Variants in TRAPPC6A observed in about 807,000 individuals in gnomAD.
The protein encoded by TRAPPC6A is TRAPP complex subunit 6A.
TRAPPC6A carries 25 observed loss-of-function variants against 20.8 expected under a neutral mutation model. The observed-to-expected ratio is 1.20, with a 90% CI of 0.88 to 1.68. The LOEUF is 1.68. TRAPPC6A is among the 40% of genes most tolerant of loss of function. The pLI is 0.00. For missense variants in TRAPPC6A, 215 were observed against 211.6 expected (o/e 1.02, Z -0.10); for synonymous variants, 96 against 93.3 (o/e 1.03, Z -0.16).
intron 1 of TRAPPC6A, among the ~76,000 whole-genome samples, chr19:45,165,536 G>A (rs982703261): frequency 2.0e-5 from 3 of 152,204 alleles, no homozygotes; most frequent in South Asian, 2.1e-4. Flanking sequence ...CAGGCTGCAC[G>A]TGCTTTCAGC....
In TRAPPC6A at chr19:45,164,222, CTGT is replaced by C. The variant is rs1386737169; in HGVS notation, c.293_295del (p.Asn98del). Reference sequence around the variant, plus strand: ...GGCCATCGGGAGGAGGAGGGGGAAGCTGTTGTCTTGCAGGACGTAGGTCCCCTG... The same window carrying C: ...GGCCATCGGGAGGAGGAGGGGGAAGCTGTCTTGCAGGACGTAGGTCCCCTG... On this transcript the variant is annotated inframe_deletion, in exon 4 of 6. Coordinates refer to ENST00000585934, the MANE Select transcript of TRAPPC6A (RefSeq NM_001270891.2). 4.4e-6 allele frequency: 7 copies of C among 1,608,788 alleles called. No individual in the cohort carries two copies. Among genetic ancestry groups the C allele is most frequent in the Non-Finnish European group, 5.1e-6 (6 of 1,177,248 alleles).
chr19:45,176,087 G>A (rs747868578), intron 1 of TRAPPC6A, among the ~76,000 whole-genome samples: 1 of 151,776 alleles, frequency 6.6e-6, no homozygotes, highest in Non-Finnish European at 1.5e-5. Context: ...TGAACTCCTG[G>A]GCCCAGGCAA....
At chr19:45,178,008 G>A (rs1969430012) in intron 1 of TRAPPC6A, 127 bp downstream of exon 1, 7 of 1,517,190 alleles carry the variant, frequency 4.6e-6, no homozygotes, top group Non-Finnish European at 6.2e-6. Flanking sequence ...GGAAGCCAGG[G>A]CCAGACGTTG....
In TRAPPC6A at chr19:45,164,947, A is replaced by T; in HGVS notation, c.176T>A (p.Phe59Tyr). 1 of 1,614,130 alleles carries T rather than the reference A, an allele frequency of 6.2e-7. No individual in the cohort carries two copies. Among genetic ancestry groups the T allele is most frequent in the East Asian group, 2.2e-5 (1 of 44,870 alleles). The change falls in exon 3 of 6, where the codon TTC (phenylalanine) becomes TAC (tyrosine). Residue 59 changes from phenylalanine (F) to tyrosine (Y), a missense_variant. Transcript: ENST00000585934. The stretch of plus-strand genomic sequence containing the variant: ...CTTGAGGACATCCAGCTCCTCCCTG[A>T]AGGCCAGCGTCTCCCGGGGCAGCCT... ...GERLPRETLA[F>Y]REELDVLKFL...
rs1440227205 is a variant in TRAPPC6A, at chr19:45,164,245, C to T, written c.273G>A (p.Gly91=). The part of the protein sequence containing the change: ...QMDSLRTNHQ[G]TYVLQDNSFP... ...AGCTGTTGTCTTGCAGGACGTAGGT[C>T]CCCTGGGGGAGAGGAGAGGCTGGTG... Residue 91 remains glycine, a splice_region_variant and synonymous_variant, in exon 4 of 6, where the codon GGG becomes GGA. Coordinates refer to ENST00000585934, the MANE Select transcript of TRAPPC6A (RefSeq NM_001270891.2). The T allele has an allele frequency of 1.2e-6, 2 of 1,600,568 alleles. No homozygotes were observed. Among genetic ancestry groups the T allele is most frequent in the South Asian group, 2.3e-5 (2 of 88,782 alleles).
chr19:45,164,349 A>T, intron 3 of TRAPPC6A, 102 bp from the exon 4 acceptor site: 4 of 767,122 alleles, frequency 5.2e-6, no homozygotes, highest in Non-Finnish European at 8.4e-6. Flanking sequence ...TGAGGTTGGG[A>T]AGGCCCCCTT....
intron 4 of TRAPPC6A, 41 bp from the exon 5 acceptor site, chr19:45,164,050 G>T: frequency 6.4e-7 from 1 of 1,552,528 alleles, no homozygotes; most frequent in Non-Finnish European, 8.7e-7. Flanking sequence ...GAGAGGGGAG[G>T]CCAGCACCCG....
At chr19:45,169,646 A>G (rs902518878) in intron 1 of TRAPPC6A, among the ~76,000 whole-genome samples, 2 of 152,168 alleles carry the variant, frequency 1.3e-5, no homozygotes, top group African/African-American at 4.8e-5. Flanking sequence ...GCTGGAGGAG[A>G]ACCCCAGGAA....
intron 1 of TRAPPC6A, among the ~76,000 whole-genome samples, chr19:45,170,938 G>T (rs1472712821): frequency 1.3e-5 from 2 of 152,244 alleles, no homozygotes; most frequent in Non-Finnish European, 2.9e-5. Context: ...CCTCATCACA[G>T]CGAGACCTGG....
chr19:45,164,866 C>T lies in TRAPPC6A; in HGVS notation c.257G>A (p.Arg86His), dbSNP rs761092540. The T allele has an allele frequency of 1.2e-5, 19 of 1,613,856 alleles. No individual in the cohort carries two copies. Among genetic ancestry groups the T allele is most frequent in the Admixed American group, 3.3e-5 (2 of 60,002 alleles). Residue 86 changes from arginine (R) to histidine (H), a missense_variant, in exon 3 of 6, where the codon CGC becomes CAC. By Grantham distance (29) the Arg-to-His change is conservative. Coordinates refer to ENST00000585934, the MANE Select transcript of TRAPPC6A (RefSeq NM_001270891.2). Reference sequence around the variant, plus strand: ...GGGTGCTCCCACCTGGTGATTGGTGCGCAGGCTGTCCATCTGCTTCTGGAA... The same window carrying T: ...GGGTGCTCCCACCTGGTGATTGGTGTGCAGGCTGTCCATCTGCTTCTGGAA... ...AVFQKQMDSL[R>H]TNHQGTYVLQ...
At position 45,173,919 on chromosome 19, in the gene TRAPPC6A, G is replaced by A. The variant is rs965692800; in HGVS notation, c.84+4216C>T. Among the ~76,000 whole-genome samples, 1 of 152,162 alleles carries A rather than the reference G, an allele frequency of 6.6e-6. No individual in the cohort carries two copies. The highest frequency in any genetic ancestry group is 2.4e-5 in the African/African-American group (1 of 41,432). On this transcript the variant is annotated intron_variant, in intron 1 of 5. Transcript: ENST00000585934. This position sits in a 1 kb window ranked among gnomAD's most constrained non-coding sequence, Gnocchi z 4.8. Reference sequence around the variant, plus strand: ...GTCTCTGGTGTGGGACTCCAGCATCGGAATGTAGTGGCAGCTGGGTAGGGA... The same window carrying A: ...GTCTCTGGTGTGGGACTCCAGCATCAGAATGTAGTGGCAGCTGGGTAGGGA...
In TRAPPC6A at chr19:45,163,104, A is replaced by G; in HGVS notation, c.*88T>C. On this transcript the variant is annotated 3_prime_UTR_variant, in exon 6 of 6. Coordinates refer to ENST00000585934, the MANE Select transcript of TRAPPC6A (RefSeq NM_001270891.2). The surrounding 1 kb of genome is among the most constrained non-coding windows in gnomAD (Gnocchi z 5.3). ...TGACCCCTAGGGCCTGGGATTCCCA[A>G]GACCACCCCGAAATGCAGCGGCCCC... The G allele has an allele frequency of 3.3e-6, 5 of 1,535,872 alleles. No individual in the cohort carries two copies. The highest frequency in any genetic ancestry group is 4.5e-6 in the Non-Finnish European group (5 of 1,116,788).
At chr19:45,175,841 C>T (rs1969360857) in intron 1 of TRAPPC6A, among the ~76,000 whole-genome samples, 1 of 152,086 alleles carries the variant, frequency 6.6e-6, no homozygotes, top group Middle Eastern at 3.2e-3. Context: ...CATTATTACC[C>T]ACCCCCAGGC....
intron 3 of TRAPPC6A, 97 bp from the exon 4 acceptor site, chr19:45,164,344 T>G: frequency 1.2e-6 from 1 of 804,058 alleles, no homozygotes; most frequent in Non-Finnish European, 2.0e-6. Flanking sequence ...TGGGCTGAGG[T>G]TGGGAAGGCC....
rs950484563 is a variant in TRAPPC6A, at chr19:45,172,938, C to T, written c.84+5197G>A. 6.6e-6 allele frequency among the ~76,000 whole-genome samples: 1 copy of T among 151,674 alleles called. No individual in the cohort carries two copies. Among genetic ancestry groups the T allele is most frequent in the African/African-American group, 2.4e-5 (1 of 40,962 alleles). ...AGGGCCTCGCTGGAGCTCCCAGCCA[C>T]AGATGCTCAGGACGGTGTTCCGGGC... On this transcript the variant is annotated intron_variant, in intron 1 of 5. Transcript: ENST00000585934. This position sits in a 1 kb window ranked among gnomAD's most constrained non-coding sequence, Gnocchi z 4.2.
intron 1 of TRAPPC6A, among the ~76,000 whole-genome samples, chr19:45,175,327 T>C (rs563475349): frequency 4.1e-5 from 6 of 145,286 alleles, no homozygotes; most frequent in African/African-American, 1.6e-4. Flanking sequence ...CTCGGGAGGC[T>C]GAGGCAGGAG....
At chr19:45,174,905 G>A (rs1969334033) in intron 1 of TRAPPC6A, among the ~76,000 whole-genome samples, 1 of 151,418 alleles carries the variant, frequency 6.6e-6, no homozygotes. Context: ...CAGATCATGA[G>A]GTCAGGAGAT....
chr19:45,170,402 G>A (rs1390058544), intron 1 of TRAPPC6A, among the ~76,000 whole-genome samples: 1 of 152,194 alleles, frequency 6.6e-6, no homozygotes, highest in Admixed American at 6.5e-5. Context: ...CCCCGACTGT[G>A]CTGAGCCTGA....
chr19:45,175,378 GA>G (rs1969347669), intron 1 of TRAPPC6A, among the ~76,000 whole-genome samples: 1 of 150,162 alleles, frequency 6.7e-6, no homozygotes, highest in African/African-American at 2.5e-5. Flanking sequence ...AGTGAGCCGA[GA>G]TCGCGCCACT....
Sources: allele counts gnomAD v4.1 joint callset (sites outside exome capture counted in the v4.1 genomes callset), GRCh38; gene constraint gnomAD v4.1.1; non-coding constraint Gnocchi (gnomAD v3.1); transcripts MANE v1.5; gene names NCBI Gene and HGNC (gene_info 2026-07-23, HGNC 2026-07-21).